Variants in CNKSR1 observed in about 807,000 individuals in gnomAD.
CNKSR1 encodes the protein CNK homolog protein 1.
In CNKSR1, 88 loss-of-function variants were observed where a neutral mutation model predicts 95.6. The ratio of observed to expected loss-of-function variants is 0.92; its 90% CI spans 0.78 to 1.10. CNKSR1 has a LOEUF of 1.10. Ranked by LOEUF, CNKSR1 falls within the 50% of genes least tolerant of loss-of-function variation. The pLI is 0.00. For synonymous variants in CNKSR1, 355 were observed against 369.7 expected, an observed-to-expected ratio of 0.96 and a Z score of 0.46; for missense variants, 836 against 912.0, an observed-to-expected ratio of 0.92 and a Z score of 1.07.
At chr1:26,181,811 G>T (rs1264249613) in intron 3 of CNKSR1, 46 bp from the exon 4 acceptor site, 2 of 1,576,426 alleles carry the variant, frequency 1.3e-6, no homozygotes, top group African/African-American at 1.3e-5. Flanking sequence ...GGCTCTGAGT[G>T]GTTAAGCATA....
chr1:26,189,200 C>G, intron 20 of CNKSR1, 79 bp from the exon 21 acceptor site: 1 of 1,560,126 alleles, frequency 6.4e-7, no homozygotes, highest in South Asian at 1.1e-5. Flanking sequence ...GGCACCGGAC[C>G]TCCGGAGTGA....
rs527783937 is a variant in CNKSR1 at position 26,187,313 on chromosome 1, G to A, written c.1382+72G>A. The A allele has an allele frequency of 5.6e-5, 89 of 1,588,204 alleles. No individual in the cohort carries two copies. In the South Asian group the frequency reaches 9.1e-4, roughly 16 times the overall value. On this transcript the variant is annotated intron_variant, in intron 15 of 20. Transcript: ENST00000361530. Reference sequence around the variant, plus strand: ...AGAGGAAGGGTGATGGGGTAGCAGTGGGAGGTGTGGCAAGTGGCTGGGGCG... The same window carrying A: ...AGAGGAAGGGTGATGGGGTAGCAGTAGGAGGTGTGGCAAGTGGCTGGGGCG...
At position 26,183,739 on chromosome 1, in the gene CNKSR1, C is replaced by G; in HGVS notation, c.764C>G (p.Pro255Arg). 6.2e-7 allele frequency: 1 copy of G among 1,612,358 alleles called. No homozygotes were observed. The highest frequency in any genetic ancestry group is 8.5e-7 in the Non-Finnish European group (1 of 1,178,576). ...GTTTCTGTCCCCCAGGTGGGATGGC[C>G]CCGTAAGAACATGGTGAGGGAACTG... ...QINEQVVVGWPRKNMVRELLR... is the reference protein window; with the variant it reads ...QINEQVVVGWRRKNMVRELLR... The change falls in exon 9 of 21, where the codon CCC (proline) becomes CGC (arginine). Residue 255 changes from proline (P) to arginine (R), a missense_variant. Physicochemically the swap from Pro to Arg is moderately radical, Grantham distance 103 (BLOSUM62 -2). Coordinates refer to ENST00000361530, the MANE Select transcript of CNKSR1 (RefSeq NM_006314.3).
intron 20 of CNKSR1, 95 bp from the exon 21 acceptor site, chr1:26,189,184 C>A: frequency 6.7e-7 from 1 of 1,495,554 alleles, no homozygotes; most frequent in Non-Finnish European, 9.3e-7. Flanking sequence ...CAGGTGCTGG[C>A]TTCCAGGCAC....
At chr1:26,177,702 G>C in intron 1 of CNKSR1, 103 bp downstream of exon 1, 1 of 1,371,414 alleles carries the variant, frequency 7.3e-7, no homozygotes, top group Non-Finnish European at 1.0e-6. Context: ...CGGACTGGGT[G>C]CGCTGGTTCA....
intron 13 of CNKSR1, 108 bp downstream of exon 13, chr1:26,184,720 G>A: frequency 1.5e-6 from 2 of 1,322,638 alleles, no homozygotes; most frequent in South Asian, 2.5e-5. Context: ...GCCTCTCCTG[G>A]AAACAGCTCT....
In CNKSR1 at chr1:26,182,593, T is replaced by C. The variant is rs201205787; in HGVS notation, c.624+9T>C. ...AGCTGGACAGTCCATTGGTGAGCCC[T>C]GCCCTCCCACCTCTCACTTCTGACC... On this transcript the variant is annotated intron_variant, in intron 6 of 20. Coordinates refer to ENST00000361530, the MANE Select transcript of CNKSR1 (RefSeq NM_006314.3). 1.3e-4 allele frequency: 210 copies of C among 1,609,448 alleles called. 1 individual carries two copies. In the East Asian group the frequency reaches 4.5e-3, roughly 35 times the overall value.
intron 4 of CNKSR1, 127 bp downstream of exon 4, chr1:26,182,068 A>T: frequency 1.1e-6 from 1 of 946,830 alleles, no homozygotes; most frequent in Non-Finnish European, 1.7e-6. Context: ...GGAGGAGAGG[A>T]GGCCCTGCCA....
chr1:26,189,580 A>G lies in CNKSR1; in HGVS notation c.*32A>G, dbSNP rs371820613. 1.2e-3 allele frequency: 1,377 copies of G among 1,110,312 alleles called. 28 individuals carry two copies. The South Asian group carries it at 0.016, about 13-fold the overall frequency. 68.8% of individuals were successfully genotyped at this position (1,110,312 alleles called of 1,614,324 possible). ...CCAGCACTCTAGCTCCTGACCTTTG[A>G]CCCGAGGGCCACCTCAACCCCAGCT... On this transcript the variant is annotated 3_prime_UTR_variant, in exon 21 of 21. Coordinates refer to ENST00000361530, the MANE Select transcript of CNKSR1 (RefSeq NM_006314.3).
intron 16 of CNKSR1, among the ~76,000 whole-genome samples, chr1:26,187,876 C>T (rs894299148): frequency 6.6e-6 from 1 of 151,930 alleles, no homozygotes; most frequent in African/African-American, 2.4e-5. Context: ...CTGCCTCGGC[C>T]TCCCAAAGAG....
chr1:26,182,897 T>G (rs2124510333), intron 6 of CNKSR1, among the ~76,000 whole-genome samples: 1 of 152,208 alleles, frequency 6.6e-6, no homozygotes, highest in Middle Eastern at 3.4e-3. Context: ...CTTTGACCAG[T>G]GGGGAAGACC....
chr1:26,184,447 C>T lies in CNKSR1; in HGVS notation c.1047C>T (p.Pro349=). 1 of 1,613,708 alleles carries T rather than the reference C, an allele frequency of 6.2e-7. No individual in the cohort carries two copies. The highest frequency in any genetic ancestry group is 1.1e-5 in the South Asian group (1 of 90,982). The change falls in exon 12 of 21, where the codon CCC becomes CCT. Residue 349 remains proline (P), a synonymous_variant. Coordinates refer to ENST00000361530, the MANE Select transcript of CNKSR1 (RefSeq NM_006314.3). ...GPEPLPIPPE[P]PAILPAGVAG... ...AGCCCCTGCCCATCCCCCCGGAACCCCCAGCCATACTCCCAGCAGGGGTAG... is the reference window on the plus strand; with the variant it reads ...AGCCCCTGCCCATCCCCCCGGAACCTCCAGCCATACTCCCAGCAGGGGTAG...
Position 26,180,761 on chromosome 1 carries a change from T to C in CNKSR1, c.257T>C (p.Leu86Pro), listed in dbSNP as rs546231665. 2.6e-5 allele frequency: 42 copies of C among 1,614,194 alleles called. No homozygotes were observed. The South Asian group carries it at 4.2e-4, about 16-fold the overall frequency. ...AACCTGCAAAGCCTGACAGAGGGAC[T>C]TCTGGGGGCAACCCATGACTTCCAG... ...TENLQSLTEGLLGATHDFQSI... is the reference protein window; with the variant it reads ...TENLQSLTEGPLGATHDFQSI... Residue 86 changes from leucine to proline, a missense_variant, in exon 3 of 21, where the codon CTT becomes CCT. Leu to Pro is a moderately conservative substitution (Grantham distance 98). Coordinates refer to ENST00000361530, the MANE Select transcript of CNKSR1 (RefSeq NM_006314.3).
Position 26,177,619 on chromosome 1 carries a change from A to G in CNKSR1, c.52+20A>G. 6.2e-7 allele frequency: 1 copy of G among 1,613,796 alleles called. No individual in the cohort carries two copies. The highest frequency in any genetic ancestry group is 8.5e-7 in the Non-Finnish European group (1 of 1,179,906). On this transcript the variant is annotated intron_variant, in intron 1 of 20. Transcript: ENST00000361530. ...TGAGAGGTGGGTGGGGCTGGGGTAGAGTTGGGCTTGAAGGGGACTAGGTGT... is the reference window on the plus strand; with the variant it reads ...TGAGAGGTGGGTGGGGCTGGGGTAGGGTTGGGCTTGAAGGGGACTAGGTGT...
Position 26,189,002 on chromosome 1 carries a change from AG to A in CNKSR1, c.1872+51del, listed in dbSNP as rs753674839. On this transcript the variant is annotated intron_variant, in intron 20 of 20. Coordinates refer to ENST00000361530, the MANE Select transcript of CNKSR1 (RefSeq NM_006314.3). Reference sequence around the variant, plus strand: ...AGCAAGGGACTAGGCTCTGGGCTTCAGGCTTTGGTTTGCGGCTGTCACCTCC... The same window carrying A: ...AGCAAGGGACTAGGCTCTGGGCTTCAGCTTTGGTTTGCGGCTGTCACCTCC... 741 of 1,601,600 alleles carry A rather than the reference AG, an allele frequency of 4.6e-4. 1 individual carries two copies. The highest frequency in any genetic ancestry group is 6.1e-4 in the Non-Finnish European group (720 of 1,172,024).
Position 26,177,602 on chromosome 1 carries a change from G to C in CNKSR1, c.52+3G>C. On this transcript the variant is annotated splice_donor_region_variant and intron_variant, in intron 1 of 20. Transcript: ENST00000361530. The stretch of plus-strand genomic sequence containing the variant: ...AAAGGTGGCAACTTGGCTGAGAGGT[G>C]GGTGGGGCTGGGGTAGAGTTGGGCT... The C allele has an allele frequency of 6.2e-7, 1 of 1,614,086 alleles. No individual in the cohort carries two copies. The highest frequency in any genetic ancestry group is 8.5e-7 in the Non-Finnish European group (1 of 1,180,008).
At chr1:26,181,264 G>C in intron 3 of CNKSR1, among the ~76,000 whole-genome samples, 1 of 134,476 alleles carries the variant, frequency 7.4e-6, no homozygotes. Context: ...CTGGGCGACA[G>C]AGTGAGACTC....
chr1:26,184,670 T>G (rs2088716468), intron 13 of CNKSR1, 58 bp downstream of exon 13: 3 of 1,549,638 alleles, frequency 1.9e-6, no homozygotes, highest in African/African-American at 2.7e-5. Flanking sequence ...GTTAAAAATC[T>G]TTACATGCTG....
intron 1 of CNKSR1, among the ~76,000 whole-genome samples, 167 bp downstream of exon 1, chr1:26,177,766 G>A (rs1031050082): frequency 6.6e-6 from 1 of 152,086 alleles, no homozygotes; most frequent in African/African-American, 2.4e-5. Flanking sequence ...ACCTGAGGTC[G>A]GGAGTTCAAG....
Sources: allele counts gnomAD v4.1 joint callset (sites outside exome capture counted in the v4.1 genomes callset), GRCh38; gene constraint gnomAD v4.1.1; transcripts MANE v1.5; gene names NCBI Gene and HGNC (gene_info 2026-07-23, HGNC 2026-07-21).